The following FGF12 variants were observed in gnomAD, a reference collection of about 807,000 sequenced individuals.
FGF12 encodes fibroblast growth factor 12, also known as fibroblast growth factor 12B.
FGF12 carries 14 observed loss-of-function variants against 23.6 expected under a neutral mutation model. The ratio of observed to expected loss-of-function variants is 0.59; its 90% CI spans 0.39 to 0.93. The LOEUF (loss-of-function observed/expected upper bound fraction) is 0.93. Among genes scored for constraint, FGF12 ranks in the 40% least tolerant of loss-of-function variants. The pLI, the probability that FGF12 is intolerant of heterozygous loss-of-function variation, is 0.00. For synonymous variants in FGF12, 62 were observed against 77.3 expected (o/e 0.80, Z 1.04); for missense variants, 175 against 217.8 (o/e 0.80, Z 1.24).
At chr3:192,602,458 C>A (rs2108632324) in intron 2 of FGF12, among the ~76,000 whole-genome samples, 1 of 152,218 alleles carries the variant, frequency 6.6e-6, no homozygotes, top group East Asian at 1.9e-4. Context: ...GCAAATCCTT[C>A]TACCACCTTA....
At chr3:192,369,630 C>T (rs1719134478) in intron 2 of FGF12, among the ~76,000 whole-genome samples, 1 of 152,158 alleles carries the variant, frequency 6.6e-6, no homozygotes, top group Admixed American at 6.5e-5. Flanking sequence ...CAGTTTTATT[C>T]CTCATAGCAT....
intron 2 of FGF12, among the ~76,000 whole-genome samples, chr3:192,635,080 G>A (rs1244603792): frequency 6.6e-6 from 1 of 152,104 alleles, no homozygotes; most frequent in East Asian, 1.9e-4. Flanking sequence ...AGCTGGTCTC[G>A]AACTCCTGAC....
intron 3 of FGF12, among the ~76,000 whole-genome samples, chr3:192,354,677 C>A (rs529808342): frequency 6.6e-6 from 1 of 152,038 alleles, no homozygotes; most frequent in Non-Finnish European, 1.5e-5. Context: ...TTTAAGGTAA[C>A]AAAGAACCAA....
intron 2 of FGF12, among the ~76,000 whole-genome samples, chr3:192,480,815 T>C (rs1470799730): frequency 6.6e-6 from 1 of 152,212 alleles, no homozygotes; most frequent in African/African-American, 2.4e-5. Context: ...TTGTGAAACC[T>C]AGAATGGAAT....
chr3:192,688,791 G>A (rs182915612), intron 2 of FGF12, among the ~76,000 whole-genome samples: 4 of 152,210 alleles, frequency 2.6e-5, no homozygotes, highest in South Asian at 2.1e-4. Context: ...ATGCACCCCC[G>A]TGTGTATTGC....
intron 2 of FGF12, among the ~76,000 whole-genome samples, chr3:192,513,807 A>T (rs932494107): frequency 2.0e-5 from 3 of 152,224 alleles, no homozygotes; most frequent in Non-Finnish European, 4.4e-5. Flanking sequence ...GTAAAAGGAA[A>T]ATCAAGACAC....
chr3:192,657,913 G>GT (rs1716500367), intron 2 of FGF12, among the ~76,000 whole-genome samples: 1 of 151,738 alleles, frequency 6.6e-6, no homozygotes, highest in African/African-American at 2.4e-5. Flanking sequence ...ATAATATGAA[G>GT]TTTTAAAGGC....
intron 3 of FGF12, among the ~76,000 whole-genome samples, chr3:192,337,949 T>A (rs1395120241): frequency 6.6e-6 from 1 of 152,192 alleles, no homozygotes; most frequent in Non-Finnish European, 1.5e-5. Flanking sequence ...GCTGATACAT[T>A]CATTAATTGT....
chr3:192,494,841 C>CATATATATATATATATAT (rs60656064), intron 2 of FGF12, among the ~76,000 whole-genome samples: 43 of 150,442 alleles, frequency 2.9e-4, no homozygotes, highest in African/African-American at 9.8e-4. Flanking sequence ...AGGGCCTATG[C>CATATATATATATATATAT]ATATATATAT....
intron 5 of FGF12, among the ~76,000 whole-genome samples, chr3:192,155,085 G>T (rs1308188161): frequency 6.6e-6 from 1 of 150,832 alleles, no homozygotes; most frequent in Non-Finnish European, 1.5e-5. Context: ...TTCCAGGTGC[G>T]TCTGTCACCC....
At chr3:192,485,101 C>T (rs546831844) in intron 2 of FGF12, among the ~76,000 whole-genome samples, 27 of 151,892 alleles carry the variant, frequency 1.8e-4, no homozygotes, top group Admixed American at 9.8e-4. Context: ...TATATGTATA[C>T]ACATAAACAT....
At chr3:192,394,854 C>T (rs1209668379) in intron 2 of FGF12, among the ~76,000 whole-genome samples, 1 of 152,112 alleles carries the variant, frequency 6.6e-6, no homozygotes, top group Non-Finnish European at 1.5e-5. Context: ...AGAAGAAAAA[C>T]AAATGAGGTA....
intron 2 of FGF12, among the ~76,000 whole-genome samples, chr3:192,561,112 A>G (rs9872727): frequency 0.064 from 9,735 of 152,166 alleles, 1,002 homozygotes; most frequent in African/African-American, 0.22. Flanking sequence ...TATAAGGGAA[A>G]GGGGAAGCGG....
intron 2 of FGF12, among the ~76,000 whole-genome samples, chr3:192,714,589 G>T (rs980167903): frequency 6.9e-6 from 1 of 145,528 alleles, no homozygotes; most frequent in Non-Finnish European, 1.5e-5. Flanking sequence ...CGCAATCTCG[G>T]CTCACTGCAA....
At chr3:192,244,077 A>G (rs1037809143) in intron 4 of FGF12, among the ~76,000 whole-genome samples, 1 of 152,154 alleles carries the variant, frequency 6.6e-6, no homozygotes, top group Non-Finnish European at 1.5e-5. Context: ...TGTGCTAGTG[A>G]AAGTGCAGAA....
rs1718090096 is a variant in FGF12 at position 192,214,439 on chromosome 3, CA to C, written c.229-43784del. Among the ~76,000 whole-genome samples the C allele has an allele frequency of 3.3e-5, 5 of 152,016 alleles. No individual in the cohort carries two copies. In the South Asian group the frequency reaches 1.0e-3, roughly 32 times the overall value. On this transcript the variant is annotated intron_variant, in intron 4 of 5. Transcript: ENST00000445105. ...CTCCTGGGGGAGGTAATGGTACTGT[CA>C]AATATTTTTGCTAACAGAAGATGTG...
At chr3:192,241,456 G>T (rs1429732892) in intron 4 of FGF12, among the ~76,000 whole-genome samples, 1 of 151,976 alleles carries the variant, frequency 6.6e-6, no homozygotes, top group Non-Finnish European at 1.5e-5. Flanking sequence ...CGAAATCAAG[G>T]GGATAAGAGG....
chr3:192,708,061 T>G lies in FGF12; in HGVS notation c.13+19120A>C, dbSNP rs191000366. On this transcript the variant is annotated intron_variant, in intron 2 of 5. Transcript: ENST00000445105. Reference sequence around the variant, plus strand: ...TGCAAGCTCCGCCTCCTGGGTTCACTCCATTCTTCTGCCTCAGCCTCCCAA... The same window carrying G: ...TGCAAGCTCCGCCTCCTGGGTTCACGCCATTCTTCTGCCTCAGCCTCCCAA... 3.2e-3 allele frequency among the ~76,000 whole-genome samples: 491 copies of G among 152,190 alleles called. 4 individuals carry two copies. Among genetic ancestry groups the G allele is most frequent in the African/African-American group, 0.011 (466 of 41,550 alleles).
In FGF12 at chr3:192,615,268, ATG is replaced by A. The variant is rs142445188; in HGVS notation, c.13+111911_13+111912del. On this transcript the variant is annotated intron_variant, in intron 2 of 5. Transcript: ENST00000445105. ...ATAAACAACTAATTACACACTTTAA[ATG>A]TGTGTGTTTTTTTATTCTATTAGAA... Among the ~76,000 whole-genome samples, 1,491 of 152,096 alleles carry A rather than the reference ATG, an allele frequency of 9.8e-3. 30 individuals are homozygous for A. Among genetic ancestry groups the A allele is most frequent in the African/African-American group, 0.034 (1,431 of 41,516 alleles).
Sources: allele counts gnomAD v4.1 joint callset (sites outside exome capture counted in the v4.1 genomes callset), GRCh38; gene constraint gnomAD v4.1.1; transcripts MANE v1.5; gene names NCBI Gene and HGNC (gene_info 2026-07-23, HGNC 2026-07-21).